CCDC187: variants seen among roughly 807,000 people sequenced by gnomAD.
CCDC187 encodes coiled-coil domain containing 187, also known as coiled-coil domain-containing protein 187.
CCDC187 carries 32 observed loss-of-function variants against 38.0 expected under a neutral mutation model. That is an observed-to-expected ratio of 0.84 (90% CI 0.64 to 1.13). CCDC187 has a LOEUF of 1.13. CCDC187 is among the 50% of genes most tolerant of loss of function. The pLI is 0.00. For synonymous variants in CCDC187, 333 were observed against 347.9 expected, an observed-to-expected ratio of 0.96 and a Z score of 0.48; for missense variants, 707 against 786.8, an observed-to-expected ratio of 0.90 and a Z score of 1.21.
Position 136,291,476 on chromosome 9 carries a change from G to T in CCDC187, c.1137C>A (p.Arg379=). ...GCTCCAGCCCAGCCTGGATTTGCTG[G>T]CGCAGGTCTTGTAGGATGGCCATGG... The part of the protein sequence containing the change: ...QTAMAILQDL[R]QQIQAGLELA... The change falls in exon 6 of 26, where the codon CGC becomes CGA. Residue 379 remains arginine (R), a synonymous_variant. Coordinates refer to ENST00000638797, the MANE Select transcript of CCDC187 (RefSeq NM_001378188.1). 1 of 398,744 alleles carries T rather than the reference G, an allele frequency of 2.5e-6. No individual in the cohort carries two copies. 24.7% of individuals were successfully genotyped at this position (398,744 alleles called of 1,614,324 possible).
chr9:136,260,399 A>G (rs1281361657), intron 19 of CCDC187, 135 bp from the exon 20 acceptor site: 2 of 475,692 alleles, frequency 4.2e-6, no homozygotes, highest in Middle Eastern at 1.0e-3. Flanking sequence ...GGCTGTGGTC[A>G]GTGGCCAAGC....
In CCDC187 at chr9:136,286,269, T is replaced by G. The variant is rs1831177481; in HGVS notation, c.2649A>C (p.Pro883=). 2.5e-6 allele frequency: 1 copy of G among 398,314 alleles called. No individual in the cohort carries two copies. Among genetic ancestry groups the G allele is most frequent in the African/African-American group, 2.1e-5 (1 of 48,592 alleles). 24.7% of individuals were successfully genotyped at this position (398,314 alleles called of 1,614,324 possible). A position where few individuals can be genotyped will look rare whatever the true frequency, so the allele number is the denominator to read the frequency against. The part of the protein sequence containing the change: ...PTLATPTLAT[P]ACPGALGPNW... The stretch of plus-strand genomic sequence containing the variant: ...TGGGCCCCAAGGCTCCAGGGCAGGC[T>G]GGGGTGGCAAGCGTGGGGGTGGCGA... The change falls in exon 8 of 26, where the codon CCA becomes CCC. Residue 883 remains proline, a synonymous_variant. Transcript: ENST00000638797.
At chr9:136,287,806 G>A (rs929760170) in intron 7 of CCDC187, among the ~76,000 whole-genome samples, 136 of 152,318 alleles carry the variant, frequency 8.9e-4, no homozygotes, top group Middle Eastern at 3.4e-3. Context: ...CAAGGGCTGG[G>A]GAGGAGATGG....
intron 4 of CCDC187, among the ~76,000 whole-genome samples, chr9:136,293,371 ACACACTC>A (rs1831409998): frequency 3.5e-5 from 5 of 143,022 alleles, no homozygotes; most frequent in Non-Finnish European, 7.7e-5. Context: ...TCACATGCTC[ACACACTC>A]ACACTCACAT....
intron 4 of CCDC187, among the ~76,000 whole-genome samples, chr9:136,295,608 A>G (rs1447901353): frequency 6.6e-6 from 1 of 152,198 alleles, no homozygotes; most frequent in East Asian, 1.9e-4. Context: ...TTTGTTAACT[A>G]CAGCAAATTT....
rs1831309331 is a variant in CCDC187, at chr9:136,290,892, C to T, written c.1721G>A (p.Ser574Asn). ...RPSPPAQRPWSSSGVQRAGPQ... is the reference protein window; with the variant it reads ...RPSPPAQRPWNSSGVQRAGPQ... ...GCCGGCCCTCTGCACGCCGGAGCTG[C>T]TCCAGGGCCGCTGGGCTGGAGGACT... Residue 574 changes from serine (S) to asparagine (N), a missense_variant, in exon 6 of 26, where the codon AGC becomes AAC. Coordinates refer to ENST00000638797, the MANE Select transcript of CCDC187 (RefSeq NM_001378188.1). 7.5e-6 allele frequency: 3 copies of T among 398,510 alleles called. No individual in the cohort carries two copies. Among genetic ancestry groups the T allele is most frequent in the Non-Finnish European group, 1.3e-5 (3 of 226,066 alleles). 24.7% of individuals were successfully genotyped at this position (398,510 alleles called of 1,614,324 possible).
intron 15 of CCDC187, 69 bp downstream of exon 15, chr9:136,267,980 G>A: frequency 6.1e-6 from 6 of 985,090 alleles, no homozygotes; most frequent in Non-Finnish European, 7.2e-6. Context: ...AGTTGGGTCC[G>A]GGGCCCACTA....
chr9:136,251,156 C>T lies in CCDC187; in HGVS notation c.*2438G>A, dbSNP rs1463344817. ...GGGACACAGATGTCCCTAAGGCCAACACGCTGCTCATCAACTCCGCATTCA... is the reference window on the plus strand; with the variant it reads ...GGGACACAGATGTCCCTAAGGCCAATACGCTGCTCATCAACTCCGCATTCA... On this transcript the variant is annotated 3_prime_UTR_variant, in exon 26 of 26. Transcript: ENST00000638797. 2.5e-6 allele frequency: 1 copy of T among 397,180 alleles called. No homozygotes were observed. Among genetic ancestry groups the T allele is most frequent in the African/African-American group, 2.1e-5 (1 of 48,216 alleles). 24.6% of individuals were successfully genotyped at this position (397,180 alleles called of 1,614,324 possible). A position where few individuals can be genotyped will look rare whatever the true frequency, so the allele number is the denominator to read the frequency against.
Position 136,255,000 on chromosome 9 carries a change from T to C in CCDC187, c.4828A>G (p.Thr1610Ala). ...GCTGGGGAGGTGTGGGATGACACCGTGGCTTCTTCCGAAGGCCCCCAGCAG... is the reference window on the plus strand; with the variant it reads ...GCTGGGGAGGTGTGGGATGACACCGCGGCTTCTTCCGAAGGCCCCCAGCAG... ...GTCWGPSEEA[T>A]VSSHTSPAGS... is the part of the protein sequence containing the mutation. Residue 1610 changes from threonine to alanine, a missense_variant, in exon 26 of 26, where the codon ACG (threonine) becomes GCG (alanine). Transcript: ENST00000638797. 1.0e-6 allele frequency: 1 copy of C among 985,470 alleles called. No individual in the cohort carries two copies. Among genetic ancestry groups the C allele is most frequent in the Non-Finnish European group, 1.2e-6 (1 of 829,966 alleles). 61.0% of individuals were successfully genotyped at this position (985,470 alleles called of 1,614,324 possible).
intron 14 of CCDC187, among the ~76,000 whole-genome samples, chr9:136,270,806 G>A (rs62579929): frequency 0.011 from 1,658 of 152,326 alleles, 14 homozygotes; most frequent in East Asian, 0.02. Context: ...TTATGCGGGT[G>A]TGACAGAGGC....
At chr9:136,260,082 C>CTGGGCA in intron 20 of CCDC187, 37 bp downstream of exon 20, 1 of 985,332 alleles carries the variant, frequency 1.0e-6, no homozygotes, top group Non-Finnish European at 1.2e-6. Context: ...AATGAGCATC[C>CTGGGCA]GTCTGACCCT....
intron 4 of CCDC187, among the ~76,000 whole-genome samples, chr9:136,293,730 G>A (rs998218726): frequency 2.7e-3 from 405 of 150,464 alleles, no homozygotes; most frequent in Middle Eastern, 7.1e-3. Flanking sequence ...GCTCACTCAT[G>A]CATTCACACA....
At chr9:136,260,689 C>A (rs554518626) in intron 19 of CCDC187, among the ~76,000 whole-genome samples, 542 of 152,290 alleles carry the variant, frequency 3.6e-3, no homozygotes, top group Non-Finnish European at 6.0e-3. Flanking sequence ...CTTTCTCCCC[C>A]GGGCACCTGC....
Position 136,267,404 on chromosome 9 carries a change from G to C in CCDC187, c.3627C>G (p.Ala1209=), listed in dbSNP as rs1830765826. ...ALQEKTLAEL[A]WLEHRRGCLD... ...CTCACCCTCGTCGATGCTCCAGCCA[G>C]GCCAGCTCCGCGAGCGTTTTCTCCT... Residue 1209 remains alanine (A), a synonymous_variant, in exon 16 of 26, where the codon GCC becomes GCG. Coordinates refer to ENST00000638797, the MANE Select transcript of CCDC187 (RefSeq NM_001378188.1). The C allele has an allele frequency of 3.0e-6, 3 of 985,444 alleles. No homozygotes were observed. The South Asian group carries it at 1.4e-4, about 46-fold the overall frequency. The allele number at this position is 985,444 out of a possible 1,614,324, so 61.0% of individuals were successfully genotyped here.
rs1830714583 is a variant in CCDC187, at chr9:136,264,253, T to C, written c.3736-455A>G. The C allele has an allele frequency of 6.6e-6, 1 of 152,442 alleles. No homozygotes were observed. Among genetic ancestry groups the C allele is most frequent in the Admixed American group, 6.5e-5 (1 of 15,292 alleles). The allele number at this position is 152,442 out of a possible 1,614,324, so 9.4% of individuals were successfully genotyped here. A position where few individuals can be genotyped will look rare whatever the true frequency, so the allele number is the denominator to read the frequency against. ...TCGCCCTGGGAGACAGCAGCTTCAC[T>C]GGTGAGACGGGAAAGCGAGGCTCTG... is the stretch of plus-strand genomic sequence containing the variant. On this transcript the variant is annotated intron_variant, in intron 17 of 25. Coordinates refer to ENST00000638797, the MANE Select transcript of CCDC187 (RefSeq NM_001378188.1). The surrounding 1 kb of genome is among the most constrained non-coding windows in gnomAD (Gnocchi z 4.3).
chr9:136,250,578 C>CT lies in CCDC187; in HGVS notation c.*3015_*3016insA. 2 of 355,270 alleles carry CT rather than the reference C, an allele frequency of 5.6e-6. No individual in the cohort carries two copies. Among genetic ancestry groups the CT allele is most frequent in the Middle Eastern group, 7.7e-4 (2 of 2,598 alleles). 22.0% of individuals were successfully genotyped at this position (355,270 alleles called of 1,614,324 possible). ...ATAAAAAATCACAGACTAATTTGTT[C>CT]AGAAGACTAGAAGGGGATCAATGAG... On this transcript the variant is annotated 3_prime_UTR_variant, in exon 26 of 26. Coordinates refer to ENST00000638797, the MANE Select transcript of CCDC187 (RefSeq NM_001378188.1).
At chr9:136,300,164 T>C in intron 3 of CCDC187, 56 bp downstream of exon 3, 1 of 398,100 alleles carries the variant, frequency 2.5e-6, no homozygotes, top group Non-Finnish European at 4.4e-6. Context: ...GCTGCCCCCA[T>C]CATGGCCTGA....
intron 10 of CCDC187, chr9:136,281,008 C>A (rs1402318800): frequency 2.1e-5 from 4 of 187,000 alleles, no homozygotes; most frequent in Non-Finnish European, 3.3e-5. Flanking sequence ...AAACGGGGGT[C>A]CCCCACTTCT....
Position 136,262,462 on chromosome 9 carries a change from C to T in CCDC187, c.3913G>A (p.Gly1305Ser). ...GCGGCCTTGACTTTGGGGCTGGAAC[C>T]CTGTAAGAAATGGTGCAGGAGAGCC... ...ELQAQAKLQQ[G>S]SSPKVKAAWE... The change falls in exon 19 of 26, where the codon GGT becomes AGT. Residue 1305 changes from glycine to serine, a missense_variant and splice_region_variant. Coordinates refer to ENST00000638797, the MANE Select transcript of CCDC187 (RefSeq NM_001378188.1). 1 of 985,788 alleles carries T rather than the reference C, an allele frequency of 1.0e-6. No homozygotes were observed. Among genetic ancestry groups the T allele is most frequent in the East Asian group, 1.1e-4 (1 of 8,820 alleles). 61.1% of individuals were successfully genotyped at this position (985,788 alleles called of 1,614,324 possible). A position where few individuals can be genotyped will look rare whatever the true frequency, so the allele number is the denominator to read the frequency against.
Sources: gnomAD v4.1 joint callset for allele counts (sites outside exome capture counted in the v4.1 genomes callset) on GRCh38, gnomAD v4.1.1 for gene constraint, Gnocchi (gnomAD v3.1) non-coding constraint, MANE v1.5 for transcripts, NCBI Gene and HGNC (gene_info 2026-07-23, HGNC 2026-07-21) for gene names.